Variants in ETV6 observed in about 807,000 individuals in gnomAD.
ETV6 encodes the protein transcription factor ETV6.
Under a neutral mutation model 51.1 loss-of-function variants are expected in ETV6, and 16 were observed. That is an observed-to-expected ratio of 0.31 (90% CI 0.21 to 0.48). The LOEUF (loss-of-function observed/expected upper bound fraction) is 0.48, where lower values mean the gene tolerates loss of function less well. ETV6 is among the 20% of genes least tolerant of loss of function. ETV6 has a pLI of 0.99. For missense variants in ETV6, 458 were observed against 594.8 expected (o/e 0.77, Z 2.39); for synonymous variants, 240 against 224.1 (o/e 1.07, Z -0.64).
Position 11,883,275 on chromosome 12 carries a change from T to TC in ETV6, c.1010-1169dup, listed in dbSNP as rs771191412. ...GGGGAAGGTGTACATCATGTCTTCT[T>TC]CTTTTTTTTTTTTTTTTTTTTTTTT... On this transcript the variant is annotated intron_variant, in intron 5 of 7. Coordinates refer to ENST00000396373, the MANE Select transcript of ETV6 (RefSeq NM_001987.5). 2.7e-3 allele frequency among the ~76,000 whole-genome samples: 101 copies of TC among 36,934 alleles called. 1 individual carries two copies. Among genetic ancestry groups the TC allele is most frequent in the African/African-American group, 6.2e-3 (95 of 15,264 alleles). 24.2% of individuals were successfully genotyped at this position (36,934 alleles called of 152,430 possible).
chr12:11,662,018 C>T (rs1251253481), intron 1 of ETV6, among the ~76,000 whole-genome samples: 2 of 152,176 alleles, frequency 1.3e-5, no homozygotes, highest in African/African-American at 4.8e-5. Context: ...CCGAGACAGG[C>T]AGGGCAATGA....
At chr12:11,874,597 T>C in intron 5 of ETV6, among the ~76,000 whole-genome samples, 1 of 14,200 alleles carries the variant, frequency 7.0e-5, no homozygotes, top group African/African-American at 9.1e-5. Context: ...TATACACATA[T>C]ATGTGTATGT....
chr12:11,832,755 G>T (rs1836837041), intron 2 of ETV6, among the ~76,000 whole-genome samples: 2 of 152,348 alleles, frequency 1.3e-5, no homozygotes, highest in South Asian at 4.1e-4. Context: ...TTCTGATGTT[G>T]CTTTCATGGA....
intron 2 of ETV6, among the ~76,000 whole-genome samples, chr12:11,768,684 A>G (rs1945198382): frequency 6.6e-6 from 1 of 152,226 alleles, no homozygotes; most frequent in African/African-American, 2.4e-5. Context: ...TCCGTTGTGG[A>G]AAATAATATA....
At chr12:11,830,993 T>C (rs940647037) in intron 2 of ETV6, among the ~76,000 whole-genome samples, 1 of 152,142 alleles carries the variant, frequency 6.6e-6, no homozygotes, top group African/African-American at 2.4e-5. Context: ...TTTTAAAATG[T>C]AGGGAAAAGT....
At chr12:11,853,850 T>C (rs1228007502) in intron 4 of ETV6, among the ~76,000 whole-genome samples, 6 of 152,158 alleles carry the variant, frequency 3.9e-5, no homozygotes, top group Non-Finnish European at 5.9e-5. Context: ...CAGGGTCTTC[T>C]CATAAAGGAA....
chr12:11,875,574 C>T (rs1176204555), intron 5 of ETV6, among the ~76,000 whole-genome samples: 1 of 152,152 alleles, frequency 6.6e-6, no homozygotes, highest in Non-Finnish European at 1.5e-5. Context: ...TGTAGTCATC[C>T]GTGAGTCATG....
At chr12:11,830,212 G>A (rs921629512) in intron 2 of ETV6, among the ~76,000 whole-genome samples, 1 of 152,112 alleles carries the variant, frequency 6.6e-6, no homozygotes, top group African/African-American at 2.4e-5. Context: ...CAGTATTCGG[G>A]ATCTGCAGCT....
At chr12:11,816,854 T>G (rs1267943515) in intron 2 of ETV6, among the ~76,000 whole-genome samples, 1 of 152,224 alleles carries the variant, frequency 6.6e-6, no homozygotes, top group Admixed American at 6.5e-5. Flanking sequence ...AATATTTTCC[T>G]ATAGCAAATG....
In ETV6 at chr12:11,892,210, ATTTTTTTTTTTT is replaced by A. The variant is rs35812814; in HGVS notation, c.*1176_*1187del. ...GTGGTCAGTTTCATGCCCTCACCTG[ATTTTTTTTTTTT>A]TTTTTTTTTTTCAATTCCTAACCTT... On this transcript the variant is annotated 3_prime_UTR_variant, in exon 8 of 8. Coordinates refer to ENST00000396373, the MANE Select transcript of ETV6 (RefSeq NM_001987.5). The A allele has an allele frequency of 6.5e-6, 1 of 152,830 alleles. No homozygotes were observed. Among genetic ancestry groups the A allele is most frequent in the African/African-American group, 4.1e-5 (1 of 24,112 alleles). 9.5% of individuals were successfully genotyped at this position (152,830 alleles called of 1,614,324 possible).
intron 1 of ETV6, among the ~76,000 whole-genome samples, chr12:11,702,676 A>G (rs1291346517): frequency 6.6e-6 from 1 of 152,008 alleles, no homozygotes; most frequent in African/African-American, 2.4e-5. Context: ...ATCAGAACCT[A>G]CCTAGTGGTC....
intron 1 of ETV6, among the ~76,000 whole-genome samples, chr12:11,701,487 C>T (rs927698493): frequency 6.6e-6 from 1 of 152,170 alleles, no homozygotes; most frequent in Non-Finnish European, 1.5e-5. Context: ...TGTCTTAAGA[C>T]TCAAGAGTTT....
Position 11,891,355 on chromosome 12 carries a change from GTGTTTTTGTTTT to G in ETV6, c.*322_*333del, listed in dbSNP as rs886645133. ...CCCTTCCACCGTTGTTAGTATCATG[GTGTTTTTGTTTT>G]TGTTTTTGTTTTAAGAACCTGCAGT... On this transcript the variant is annotated 3_prime_UTR_variant, in exon 8 of 8. Transcript: ENST00000396373. 5.6e-6 allele frequency: 2 copies of G among 357,468 alleles called. No homozygotes were observed. The highest frequency in any genetic ancestry group is 4.8e-5 in the East Asian group (1 of 20,796). 22.1% of individuals were successfully genotyped at this position (357,468 alleles called of 1,614,324 possible).
intron 1 of ETV6, among the ~76,000 whole-genome samples, chr12:11,666,638 G>C (rs182827937): frequency 6.6e-6 from 1 of 152,230 alleles, no homozygotes; most frequent in Non-Finnish European, 1.5e-5. Flanking sequence ...ACACAAGCCT[G>C]AATAGCTCGT....
At chr12:11,714,845 C>G (rs752775437) in intron 1 of ETV6, among the ~76,000 whole-genome samples, 1 of 151,946 alleles carries the variant, frequency 6.6e-6, no homozygotes, top group Non-Finnish European at 1.5e-5. Context: ...TGCTTGTGTG[C>G]TTTGGCAATC....
At chr12:11,652,697 C>T (rs936118793) in intron 1 of ETV6, among the ~76,000 whole-genome samples, 1 of 152,150 alleles carries the variant, frequency 6.6e-6, no homozygotes, top group East Asian at 1.9e-4. Flanking sequence ...GAGATGCAGC[C>T]ACAGAGGGAA....
At chr12:11,862,405 G>A (rs1400044508) in intron 4 of ETV6, among the ~76,000 whole-genome samples, 1 of 152,180 alleles carries the variant, frequency 6.6e-6, no homozygotes, top group African/African-American at 2.4e-5. Context: ...TAGGGCCGCT[G>A]TAACAAAGTA....
At chr12:11,697,036 T>G (rs1776551719) in intron 1 of ETV6, among the ~76,000 whole-genome samples, 1 of 152,230 alleles carries the variant, frequency 6.6e-6, no homozygotes, top group Admixed American at 6.5e-5. Context: ...AAATAATTGT[T>G]AAATTTAAAT....
At chr12:11,776,095 T>C (rs952022319) in intron 2 of ETV6, among the ~76,000 whole-genome samples, 2 of 152,220 alleles carry the variant, frequency 1.3e-5, no homozygotes, top group Non-Finnish European at 2.9e-5. Flanking sequence ...TTTCAAGATT[T>C]AGCCTGGGAG....
Sources: allele counts gnomAD v4.1 joint callset (sites outside exome capture counted in the v4.1 genomes callset), GRCh38; gene constraint gnomAD v4.1.1; transcripts MANE v1.5; gene names NCBI Gene and HGNC (gene_info 2026-07-23, HGNC 2026-07-21).